The following CHST15 variants were observed in gnomAD, a reference collection of about 807,000 sequenced individuals.
CHST15 encodes carbohydrate sulfotransferase 15, also known as B cell RAG associated protein (GALNAC4S-6ST).
In CHST15, 30 loss-of-function variants were observed where a neutral mutation model predicts 53.6. The ratio of observed to expected loss-of-function variants is 0.56; its 90% CI spans 0.42 to 0.76. The LOEUF (loss-of-function observed/expected upper bound fraction) is 0.76, where lower values mean the gene tolerates loss of function less well. Among genes scored for constraint, CHST15 ranks in the 30% least tolerant of loss-of-function variants. The probability of loss-of-function intolerance (pLI) is 0.00; values close to 1 mark genes in which losing one functional copy is unlikely to be tolerated. For synonymous variants in CHST15, 296 were observed against 289.8 expected (o/e 1.02, Z -0.22); for missense variants, 627 against 740.5 (o/e 0.85, Z 1.78).
rs560013279 is a variant in CHST15, at chr10:124,074,648, C to A, written c.-513+18821G>T. ...TGACCTGGAGCTCTCCAATGCACCC[C>A]GCGCCTCTGCCAGACTGGGCTCACG... On this transcript the variant is annotated intron_variant, in intron 1 of 7. Coordinates refer to ENST00000435907, the MANE Select transcript of CHST15 (RefSeq NM_001270764.2). This position sits in a 1 kb window ranked among gnomAD's most constrained non-coding sequence, Gnocchi z 4.4. Among the ~76,000 whole-genome samples the A allele has an allele frequency of 1.3e-5, 2 of 152,192 alleles. No homozygotes were observed. Among genetic ancestry groups the A allele is most frequent in the African/African-American group, 2.4e-5 (1 of 41,442 alleles).
At chr10:124,063,907 A>G (rs949790670) in intron 1 of CHST15, among the ~76,000 whole-genome samples, 1 of 152,240 alleles carries the variant, frequency 6.6e-6, no homozygotes, top group African/African-American at 2.4e-5. Flanking sequence ...CGTATGAATC[A>G]GACAGCTGAG....
intron 5 of CHST15, 44 bp from the exon 6 acceptor site, chr10:124,021,456 C>G (rs964115117): frequency 1.8e-5 from 29 of 1,570,386 alleles, no homozygotes; most frequent in Non-Finnish European, 2.5e-5. Flanking sequence ...CATGAACATG[C>G]AATCACACCA....
chr10:124,020,375 A>T (rs1324505461), intron 6 of CHST15: 2 of 985,350 alleles, frequency 2.0e-6, no homozygotes, highest in East Asian at 2.3e-4. Context: ...CTCTGGGGTT[A>T]CCTGTGTCCC....
chr10:124,017,391 T>C lies in CHST15; in HGVS notation c.1347+3865A>G, dbSNP rs531127263. ...CCACATTAGCCGGATACCTTGCCCC[T>C]CACTGTCCTCATCTGCTGACAGTGA... On this transcript the variant is annotated intron_variant, in intron 6 of 7. Coordinates refer to ENST00000435907, the MANE Select transcript of CHST15 (RefSeq NM_001270764.2). 6.6e-5 allele frequency among the ~76,000 whole-genome samples: 10 copies of C among 152,240 alleles called. No individual in the cohort carries two copies. The South Asian group carries it at 2.1e-3, about 32-fold the overall frequency.
chr10:124,037,416 A>T (rs1220542293), intron 5 of CHST15, among the ~76,000 whole-genome samples: 1 of 152,168 alleles, frequency 6.6e-6, no homozygotes, highest in East Asian at 1.9e-4. Context: ...AAGAGGACCA[A>T]TGAGTGGATG....
intron 5 of CHST15, among the ~76,000 whole-genome samples, chr10:124,023,776 G>A (rs1268169413): frequency 1.3e-5 from 2 of 151,618 alleles, no homozygotes; most frequent in Non-Finnish European, 2.9e-5. Flanking sequence ...CTCTTTCCAG[G>A]GAAGGCAATT....
chr10:124,021,229 GGGGGTAC>G lies in CHST15; in HGVS notation c.1347+20_1347+26del, dbSNP rs1564854025. ...GCTCCTTCTGCCAGGGGCCAGCTCG[GGGGGTAC>G]GGGGGGGGGGGGTACACACAGGCAT... On this transcript the variant is annotated intron_variant, in intron 6 of 7. Transcript: ENST00000435907. The G allele has an allele frequency of 6.4e-7, 1 of 1,554,634 alleles. No individual in the cohort carries two copies. The highest frequency in any genetic ancestry group is 8.7e-7 in the Non-Finnish European group (1 of 1,152,056).
chr10:124,029,751 G>T (rs563619845), intron 5 of CHST15, among the ~76,000 whole-genome samples: 1 of 152,342 alleles, frequency 6.6e-6, no homozygotes, highest in African/African-American at 2.4e-5. Flanking sequence ...GCAGGGCAAT[G>T]GCCACTGCAC....
intron 7 of CHST15, chr10:124,011,890 C>T (rs1049141646): frequency 2.7e-4 from 267 of 978,122 alleles, no homozygotes; most frequent in Non-Finnish European, 2.9e-4. Flanking sequence ...TCCAGCCCCC[C>T]GGTGACATCC....
In CHST15 at chr10:124,021,236, C is replaced by CGGGGGGGGGGGGGGGGGGGGGGGG; in HGVS notation, c.1347+19_1347+20insCCCCCCCCCCCCCCCCCCCCCCCC. 7.8e-7 allele frequency: 1 copy of CGGGGGGGGGGGGGGGGGGGGGGGG among 1,286,772 alleles called. No homozygotes were observed. The highest frequency in any genetic ancestry group is 1.1e-6 in the Non-Finnish European group (1 of 950,102). 79.7% of individuals were successfully genotyped at this position (1,286,772 alleles called of 1,614,324 possible). On this transcript the variant is annotated intron_variant, in intron 6 of 7. Transcript: ENST00000435907. Reference sequence around the variant, plus strand: ...CTGCCAGGGGCCAGCTCGGGGGGTACGGGGGGGGGGGGTACACACAGGCAT... The same window carrying CGGGGGGGGGGGGGGGGGGGGGGGG: ...CTGCCAGGGGCCAGCTCGGGGGGTACGGGGGGGGGGGGGGGGGGGGGGGGGGGGGGGGGGGGTACACACAGGCAT...
chr10:124,030,119 C>A (rs1478994271), intron 5 of CHST15, among the ~76,000 whole-genome samples: 1 of 152,164 alleles, frequency 6.6e-6, no homozygotes, highest in East Asian at 1.9e-4. Context: ...TTTCTCCCAC[C>A]AATAACAAGA....
intron 3 of CHST15, among the ~76,000 whole-genome samples, chr10:124,044,015 C>G: frequency 6.7e-6 from 1 of 150,054 alleles, no homozygotes; most frequent in African/African-American, 2.5e-5. Context: ...GAGCAGGGAG[C>G]AGCACAGAGC....
In CHST15 at chr10:124,008,688, CAA is replaced by C; in HGVS notation, c.*1459_*1460del. 8.9e-7 allele frequency: 1 copy of C among 1,118,344 alleles called. No individual in the cohort carries two copies. The highest frequency in any genetic ancestry group is 1.1e-6 in the Non-Finnish European group (1 of 899,970). 69.3% of individuals were successfully genotyped at this position (1,118,344 alleles called of 1,614,324 possible). On this transcript the variant is annotated 3_prime_UTR_variant, in exon 8 of 8. Coordinates refer to ENST00000435907, the MANE Select transcript of CHST15 (RefSeq NM_001270764.2). Reference sequence around the variant, plus strand: ...CGAAGCCTGGTCTGTCTCACACATACAAGTTAGAGCTGGGTAGACGGGTGCTT... The same window carrying C: ...CGAAGCCTGGTCTGTCTCACACATACGTTAGAGCTGGGTAGACGGGTGCTT...
At chr10:124,023,868 A>G (rs900309152) in intron 5 of CHST15, among the ~76,000 whole-genome samples, 1 of 143,012 alleles carries the variant, frequency 7.0e-6, no homozygotes, top group Non-Finnish European at 1.5e-5. Context: ...TTTGAAGCGG[A>G]GTTTCGCTTT....
chr10:124,033,446 G>C (rs1044066513), intron 5 of CHST15, among the ~76,000 whole-genome samples: 1 of 152,196 alleles, frequency 6.6e-6, no homozygotes, highest in Non-Finnish European at 1.5e-5. Context: ...TGACTCCTAG[G>C]ACGGTCCTCA....
intron 1 of CHST15, among the ~76,000 whole-genome samples, chr10:124,047,565 C>T (rs927855013): frequency 6.6e-6 from 1 of 152,142 alleles, no homozygotes; most frequent in Non-Finnish European, 1.5e-5. Context: ...TAAAAGGAGA[C>T]CTACTCAGTT....
intron 5 of CHST15, among the ~76,000 whole-genome samples, chr10:124,033,511 C>T (rs1412240043): frequency 6.6e-6 from 1 of 152,178 alleles, no homozygotes; most frequent in East Asian, 1.9e-4. Context: ...CTGAGTGTGG[C>T]TAGACCTCAT....
chr10:124,063,024 C>T (rs1206953529), intron 1 of CHST15, among the ~76,000 whole-genome samples: 1 of 151,936 alleles, frequency 6.6e-6, no homozygotes, highest in Non-Finnish European at 1.5e-5. Flanking sequence ...GCCATGAAAA[C>T]GCTGGTCCCA....
At chr10:124,067,969 A>G (rs560518398) in intron 1 of CHST15, among the ~76,000 whole-genome samples, 1 of 152,294 alleles carries the variant, frequency 6.6e-6, no homozygotes, top group Non-Finnish European at 1.5e-5. Context: ...TTCAAGTTTC[A>G]TTAAAGGTTG....
Sources: allele counts gnomAD v4.1 joint callset (sites outside exome capture counted in the v4.1 genomes callset), GRCh38; gene constraint gnomAD v4.1.1; non-coding constraint Gnocchi (gnomAD v3.1); transcripts MANE v1.5; gene names NCBI Gene and HGNC (gene_info 2026-07-23, HGNC 2026-07-21).